The following NFKBIL1 variants were observed in gnomAD, a reference collection of about 807,000 sequenced individuals.
NFKBIL1 encodes NF-kappa-B inhibitor-like protein 1.
In NFKBIL1, 30 loss-of-function variants were observed where a neutral mutation model predicts 45.4. The observed-to-expected ratio is 0.66, with a 90% CI of 0.49 to 0.90. The LOEUF (loss-of-function observed/expected upper bound fraction) is 0.90. Among genes scored for constraint, NFKBIL1 ranks in the 40% least tolerant of loss-of-function variants. The probability of loss-of-function intolerance (pLI) is 0.00; values close to 1 mark genes in which losing one functional copy is unlikely to be tolerated. For missense variants in NFKBIL1, 434 were observed against 513.4 expected, an observed-to-expected ratio of 0.85 and a Z score of 1.49; for synonymous variants, 179 against 197.3, an observed-to-expected ratio of 0.91 and a Z score of 0.78.
At chr6:31,550,200 CAAA>C (rs34859965) in intron 2 of NFKBIL1, among the ~76,000 whole-genome samples, 2 of 122,782 alleles carry the variant, frequency 1.6e-5, no homozygotes, top group Non-Finnish European at 1.8e-5. Flanking sequence ...GACTCCGTCT[CAAA>C]AAAAAAAAAA....
Position 31,558,741 on chromosome 6 carries a change from A to C in NFKBIL1, c.*130A>C. ...AGCAGAGGATATGGGTGGGAGCGAA[A>C]GTTGTAACAAGTGGGGGTGGGGGGT... On this transcript the variant is annotated 3_prime_UTR_variant, in exon 4 of 4. Coordinates refer to ENST00000376148, the MANE Select transcript of NFKBIL1 (RefSeq NM_005007.4). This position sits in a 1 kb window ranked among gnomAD's most constrained non-coding sequence, Gnocchi z 7.2. The C allele has an allele frequency of 3.1e-6, 2 of 638,650 alleles. No individual in the cohort carries two copies. The highest frequency in any genetic ancestry group is 5.0e-6 in the Non-Finnish European group (2 of 397,074). The allele number at this position is 638,650 out of a possible 1,614,324, so 39.6% of individuals were successfully genotyped here.
upstream of NFKBIL1, chr6:31,547,580 C>A: frequency 1.6e-6 from 1 of 611,584 alleles, no homozygotes; most frequent in Non-Finnish European, 2.7e-6. Context: ...CTGCTTGCGC[C>A]ATTTCCTCCA....
At position 31,557,252 on chromosome 6, in the gene NFKBIL1, C is replaced by T. The variant is rs868652204; in HGVS notation, c.335-376C>T. 7.3e-5 allele frequency among the ~76,000 whole-genome samples: 11 copies of T among 151,452 alleles called. No homozygotes were observed. Among genetic ancestry groups the T allele is most frequent in the East Asian group, 3.9e-4 (2 of 5,188 alleles). On this transcript the variant is annotated intron_variant, in intron 2 of 3. Coordinates refer to ENST00000376148, the MANE Select transcript of NFKBIL1 (RefSeq NM_005007.4). The surrounding 1 kb of genome is among the most constrained non-coding windows in gnomAD (Gnocchi z 5.4). Reference sequence around the variant, plus strand: ...CCTGCCGAGTAGCTGGGACTGCAGGCGCCCGCCACCAGGCCTGGCTAATTT... The same window carrying T: ...CCTGCCGAGTAGCTGGGACTGCAGGTGCCCGCCACCAGGCCTGGCTAATTT...
chr6:31,558,003 A>AAACC lies in NFKBIL1; in HGVS notation c.557-19_557-18insAACC. ...TCACAGCCTCTCTCCAACTACCCCCATCCCACCCTCCCAAACAGGTGATGC... is the reference window on the plus strand; with the variant it reads ...TCACAGCCTCTCTCCAACTACCCCCAAACCTCCCACCCTCCCAAACAGGTGATGC... On this transcript the variant is annotated intron_variant, in intron 3 of 3. Coordinates refer to ENST00000376148, the MANE Select transcript of NFKBIL1 (RefSeq NM_005007.4). The surrounding 1 kb of genome is among the most constrained non-coding windows in gnomAD (Gnocchi z 7.2). 76 of 551,394 alleles carry AAACC rather than the reference A, an allele frequency of 1.4e-4. No individual in the cohort carries two copies. The highest frequency in any genetic ancestry group is 2.2e-4 in the Non-Finnish European group (71 of 315,688). 34.2% of individuals were successfully genotyped at this position (551,394 alleles called of 1,614,324 possible).
At chr6:31,555,609 CTT>C (rs772749122) in intron 2 of NFKBIL1, among the ~76,000 whole-genome samples, 4 of 72,280 alleles carry the variant, frequency 5.5e-5, no homozygotes, top group South Asian at 1.1e-3. Flanking sequence ...CTCTCTCTCT[CTT>C]TTTTTTTTTT....
In NFKBIL1 at chr6:31,558,062, A is replaced by G. The variant is rs773863158; in HGVS notation, c.597A>G (p.Ser199=). The G allele has an allele frequency of 6.2e-7, 1 of 1,610,708 alleles. No homozygotes were observed. Among genetic ancestry groups the G allele is most frequent in the South Asian group, 1.1e-5 (1 of 90,862 alleles). Residue 199 remains serine (S), a synonymous_variant, in exon 4 of 4, where the codon TCA becomes TCG. Coordinates refer to ENST00000376148, the MANE Select transcript of NFKBIL1 (RefSeq NM_005007.4). The surrounding 1 kb of genome is among the most constrained non-coding windows in gnomAD (Gnocchi z 7.2). ...SHETQEPESF[S]AWSDRLAREH... ...AAACCCAGGAACCTGAGTCCTTCTC[A>G]GCCTGGTCAGATCGCCTGGCCCGGG...
In NFKBIL1 at chr6:31,557,473, A is replaced by G. The variant is rs573694332; in HGVS notation, c.335-155A>G. ...AACTATCAGTCTGTATTTATCAGTG[A>G]TGGTTATTTCCTAATACCCAGGAGG... On this transcript the variant is annotated intron_variant, in intron 2 of 3. Transcript: ENST00000376148. The surrounding 1 kb of genome is among the most constrained non-coding windows in gnomAD (Gnocchi z 5.4). Among the ~76,000 whole-genome samples the G allele has an allele frequency of 6.6e-6, 1 of 152,290 alleles. No homozygotes were observed. Among genetic ancestry groups the G allele is most frequent in the Admixed American group, 6.5e-5 (1 of 15,294 alleles).
rs1276864326 is a variant in NFKBIL1, at chr6:31,557,430, C to G, written c.335-198C>G. On this transcript the variant is annotated intron_variant, in intron 2 of 3. Transcript: ENST00000376148. This position sits in a 1 kb window ranked among gnomAD's most constrained non-coding sequence, Gnocchi z 5.4. The stretch of plus-strand genomic sequence containing the variant: ...GCCGAGAATATTTTAAACTACCACA[C>G]TTACCATGCATGTGGTAAACTATCA... 6.6e-6 allele frequency among the ~76,000 whole-genome samples: 1 copy of G among 152,176 alleles called. No individual in the cohort carries two copies. The highest frequency in any genetic ancestry group is 1.5e-5 in the Non-Finnish European group (1 of 68,032).
intron 2 of NFKBIL1, among the ~76,000 whole-genome samples, chr6:31,550,651 GC>G (rs1769379468): frequency 1.3e-5 from 2 of 152,108 alleles, no homozygotes; most frequent in South Asian, 2.1e-4. Context: ...ACCTCTGTGA[GC>G]CCAATTTGCC....
Position 31,547,770 on chromosome 6 carries a change from C to T in NFKBIL1, c.57+19C>T. ...CTGCCGGGTACATGATATTCAATTT[C>T]TAGATCATTATTGGAGATTATCTGT... On this transcript the variant is annotated intron_variant, in intron 1 of 3. Transcript: ENST00000376148. 1 of 1,591,818 alleles carries T rather than the reference C, an allele frequency of 6.3e-7. No individual in the cohort carries two copies. Among genetic ancestry groups the T allele is most frequent in the Non-Finnish European group, 8.6e-7 (1 of 1,161,878 alleles).
chr6:31,550,545 G>T (rs906140349), intron 2 of NFKBIL1, among the ~76,000 whole-genome samples: 1 of 152,080 alleles, frequency 6.6e-6, no homozygotes, highest in Non-Finnish European at 1.5e-5. Context: ...AGCTCATATT[G>T]TAAGAGGCAG....
Position 31,548,096 on chromosome 6 carries a change from T to C in NFKBIL1, c.58-67T>C. ...CCAAAGGGAGAAACAACAGGGGATG[T>C]CAGAGATGGAGGGAGAAGGACCAGC... On this transcript the variant is annotated intron_variant, in intron 1 of 3. Transcript: ENST00000376148. The C allele has an allele frequency of 2.5e-6, 4 of 1,599,838 alleles. No homozygotes were observed. In the East Asian group the frequency reaches 8.9e-5, roughly 36 times the overall value.
At chr6:31,552,790 C>T (rs1232970471) in intron 2 of NFKBIL1, among the ~76,000 whole-genome samples, 60 of 143,924 alleles carry the variant, frequency 4.2e-4, no homozygotes, top group African/African-American at 1.3e-3. Flanking sequence ...CTGCAAGCTC[C>T]GCTTCCCAGG....
At chr6:31,554,665 T>C (rs1769616380) in intron 2 of NFKBIL1, among the ~76,000 whole-genome samples, 1 of 152,254 alleles carries the variant, frequency 6.6e-6, no homozygotes, top group Admixed American at 6.5e-5. Context: ...TATTCAATTT[T>C]GGTAAAGGAA....
In NFKBIL1 at chr6:31,548,308, C is replaced by G; in HGVS notation, c.203C>G (p.Pro68Arg). The change falls in exon 2 of 4, where the codon CCA becomes CGA. Residue 68 changes from proline to arginine, a missense_variant. Around this residue, in one of 4 missense-constraint regions of NFKBIL1, gnomAD observed 231 missense variants for 264.1 expected, o/e 0.87. Coordinates refer to ENST00000376148, the MANE Select transcript of NFKBIL1 (RefSeq NM_005007.4). ...GLDVDAGQPP[P>R]LHRACARHDA... is the part of the protein sequence containing the mutation. Reference sequence around the variant, plus strand: ...GATGTAGATGCTGGGCAGCCCCCACCACTGCACCGGGCCTGTGCCCGCCAC... The same window carrying G: ...GATGTAGATGCTGGGCAGCCCCCACGACTGCACCGGGCCTGTGCCCGCCAC... 1 of 1,607,784 alleles carries G rather than the reference C, an allele frequency of 6.2e-7. No homozygotes were observed. The highest frequency in any genetic ancestry group is 8.5e-7 in the Non-Finnish European group (1 of 1,177,708).
At position 31,558,148 on chromosome 6, in the gene NFKBIL1, G is replaced by A. The variant is rs200245859; in HGVS notation, c.683G>A (p.Arg228His). The change falls in exon 4 of 4, where the codon CGT becomes CAT. Residue 228 changes from arginine to histidine, a missense_variant. By Grantham distance (29) the Arg-to-His change is conservative (BLOSUM62 0). This residue lies in a region of NFKBIL1 where 23 missense variants were observed against 46.9 expected (regional missense o/e 0.49). Coordinates refer to ENST00000376148, the MANE Select transcript of NFKBIL1 (RefSeq NM_005007.4). This position sits in a 1 kb window ranked among gnomAD's most constrained non-coding sequence, Gnocchi z 7.2. The stretch of plus-strand genomic sequence containing the variant: ...GCAGAGGGATCCCGTCGACCCCCAC[G>A]TGCTGAGGGCTCCAGCCAGAGCTGG... ...REAEGSRRPP[R>H]AEGSSQSWRQ... is the part of the protein sequence containing the mutation. 9.3e-6 allele frequency: 15 copies of A among 1,611,764 alleles called. No individual in the cohort carries two copies. The highest frequency in any genetic ancestry group is 5.3e-5 in the African/African-American group (4 of 75,046).
intron 2 of NFKBIL1, among the ~76,000 whole-genome samples, chr6:31,555,908 C>G (rs892453962): frequency 7.1e-4 from 107 of 151,380 alleles, no homozygotes; most frequent in African/African-American, 1.5e-3. Context: ...GTCCCCCCCC[C>G]CCAGCCTCCC....
In NFKBIL1 at chr6:31,553,039, C is replaced by CT. The variant is rs9279345; in HGVS notation, c.335-4571dup. 3.7e-3 allele frequency among the ~76,000 whole-genome samples: 466 copies of CT among 125,004 alleles called. 2 individuals carry two copies. Among genetic ancestry groups the CT allele is most frequent in the South Asian group, 0.027 (101 of 3,726 alleles). The allele number at this position is 125,004 out of a possible 152,430, so 82.0% of individuals were successfully genotyped here. On this transcript the variant is annotated intron_variant, in intron 2 of 3. Transcript: ENST00000376148. The stretch of plus-strand genomic sequence containing the variant: ...ATTTCTAATACTGGAGAAAGGTGAA[C>CT]TTTTTTTTTTTTTTTTTTCCGAGAC...
Position 31,548,372 on chromosome 6 carries a change from T to G in NFKBIL1, c.267T>G (p.Ala89=). 6.4e-7 allele frequency: 1 copy of G among 1,574,744 alleles called. No homozygotes were observed. The highest frequency in any genetic ancestry group is 8.6e-7 in the Non-Finnish European group (1 of 1,162,428). Residue 89 remains alanine, a synonymous_variant, in exon 2 of 4, where the codon GCT becomes GCG. Transcript: ENST00000376148. ...TGTGCCTGCTGCTTCGGCTCGGGGC[T>G]GACCCTGCCCACCAGGACCGCCATG... ...PALCLLLRLG[A]DPAHQDRHGD...
Sources: allele counts gnomAD v4.1 joint callset (sites outside exome capture counted in the v4.1 genomes callset), GRCh38; gene constraint gnomAD v4.1.1; regional missense constraint gnomAD v4.1.1; non-coding constraint Gnocchi (gnomAD v3.1); transcripts MANE v1.5; gene names NCBI Gene and HGNC (gene_info 2026-07-23, HGNC 2026-07-21).